The following TCF12 variants were observed in gnomAD, a reference collection of about 807,000 sequenced individuals.
The protein encoded by TCF12 is DNA-binding protein HTF4.
A neutral mutation model predicts 86.0 loss-of-function variants in TCF12; 45 were observed. The observed-to-expected ratio is 0.52, with a 90% CI of 0.41 to 0.67. TCF12 has a LOEUF of 0.67. TCF12 is among the 30% of genes least tolerant of loss of function. TCF12 has a pLI of 0.00. For missense variants in TCF12, 881 were observed against 859.9 expected (o/e 1.02, Z -0.31); for synonymous variants, 330 against 299.6 (o/e 1.10, Z -1.05).
In TCF12 at chr15:57,286,384, A is replaced by C. The variant is rs2061934444; in HGVS notation, c.*239A>C. On this transcript the variant is annotated 3_prime_UTR_variant, in exon 21 of 21. Transcript: ENST00000333725. ...GAACATCAGCCCATGAGATGTTTGCAACAAATCTTTTGTTGCAAGCAGTGT... is the reference window on the plus strand; with the variant it reads ...GAACATCAGCCCATGAGATGTTTGCCACAAATCTTTTGTTGCAAGCAGTGT... 7.6e-6 allele frequency: 2 copies of C among 262,430 alleles called. No individual in the cohort carries two copies. Among genetic ancestry groups the C allele is most frequent in the South Asian group, 7.8e-5 (2 of 25,514 alleles). The allele number at this position is 262,430 out of a possible 1,614,324, so 16.3% of individuals were successfully genotyped here. A position where few individuals can be genotyped will look rare whatever the true frequency, so the allele number is the denominator to read the frequency against.
intron 3 of TCF12, among the ~76,000 whole-genome samples, chr15:57,055,560 T>A (rs1205495843): frequency 6.6e-6 from 1 of 152,222 alleles, no homozygotes; most frequent in East Asian, 1.9e-4. Flanking sequence ...GAGTATAGAA[T>A]TGGTTGATAA....
intron 18 of TCF12, 126 bp from the exon 19 acceptor site, chr15:57,272,904 A>T (rs759036627): frequency 1.1e-6 from 1 of 879,342 alleles, no homozygotes; most frequent in Non-Finnish European, 1.7e-6. Flanking sequence ...AACTGCACCT[A>T]TTACAACTGT....
intron 5 of TCF12, among the ~76,000 whole-genome samples, chr15:57,104,743 T>C (rs1195973698): frequency 6.6e-6 from 1 of 150,832 alleles, no homozygotes; most frequent in Non-Finnish European, 1.5e-5. Context: ...GCCATAAATC[T>C]TTATTTTGTT....
intron 5 of TCF12, among the ~76,000 whole-genome samples, chr15:57,097,525 T>TA (rs1473834498): frequency 1.5e-4 from 23 of 151,666 alleles, no homozygotes; most frequent in Admixed American, 1.1e-3. Context: ...AACCCTGTCT[T>TA]AAAAAAAATA....
At chr15:57,119,773 A>G (rs1325653365) in intron 5 of TCF12, among the ~76,000 whole-genome samples, 3 of 152,120 alleles carry the variant, frequency 2.0e-5, no homozygotes, top group African/African-American at 7.2e-5. Flanking sequence ...TCCTGTGGCA[A>G]TCCTAAATAG....
chr15:57,078,562 A>C (rs2070342978), intron 4 of TCF12, among the ~76,000 whole-genome samples: 1 of 152,206 alleles, frequency 6.6e-6, no homozygotes, highest in Non-Finnish European at 1.5e-5. Flanking sequence ...ACAATGCCTA[A>C]TGTATTATAG....
intron 7 of TCF12, 149 bp downstream of exon 7, chr15:57,192,442 G>C: frequency 8.7e-7 from 1 of 1,155,562 alleles, no homozygotes; most frequent in South Asian, 1.7e-5. Context: ...ATGCAGGAAT[G>C]CAACAGCACA....
rs759091897 is a variant in TCF12, at chr15:57,253,226, G to A, written c.1261-36G>A. On this transcript the variant is annotated intron_variant, in intron 15 of 20. Coordinates refer to ENST00000333725, the MANE Select transcript of TCF12 (RefSeq NM_207037.2). Reference sequence around the variant, plus strand: ...CAGTTAATGAATCTAACAGATGCCAGCAATAACCACCATGTTTTTTTTTTA... The same window carrying A: ...CAGTTAATGAATCTAACAGATGCCAACAATAACCACCATGTTTTTTTTTTA... 3 of 1,607,396 alleles carry A rather than the reference G, an allele frequency of 1.9e-6. No individual in the cohort carries two copies. The African/African-American group carries it at 4.0e-5, about 21-fold the overall frequency.
intron 8 of TCF12, among the ~76,000 whole-genome samples, chr15:57,227,188 TA>T (rs1177856433): frequency 1.3e-5 from 2 of 152,144 alleles, no homozygotes; most frequent in African/African-American, 4.8e-5. Flanking sequence ...TGTGACTAGA[TA>T]AAAAGAAAAA....
intron 5 of TCF12, among the ~76,000 whole-genome samples, chr15:57,103,460 T>A (rs1384194893): frequency 1.3e-5 from 2 of 152,208 alleles, no homozygotes; most frequent in Non-Finnish European, 2.9e-5. Context: ...CCTGCTGTAG[T>A]CCCAGCTACT....
At chr15:57,248,296 T>A (rs2059952863) in intron 13 of TCF12, among the ~76,000 whole-genome samples, 1 of 152,100 alleles carries the variant, frequency 6.6e-6, no homozygotes, top group African/African-American at 2.4e-5. Flanking sequence ...CTGGTTCCTA[T>A]TAGGAAAGGA....
At chr15:57,029,508 C>T (rs1451217516) in intron 3 of TCF12, among the ~76,000 whole-genome samples, 2 of 152,170 alleles carry the variant, frequency 1.3e-5, no homozygotes, top group African/African-American at 2.4e-5. Context: ...TACTATTCCT[C>T]CACCTTATTA....
At chr15:57,011,331 T>C (rs2064816137) in intron 3 of TCF12, among the ~76,000 whole-genome samples, 1 of 152,010 alleles carries the variant, frequency 6.6e-6, no homozygotes, top group African/African-American at 2.4e-5. Flanking sequence ...TGTTTATAAG[T>C]CAGGGATCCA....
chr15:57,125,705 A>G (rs1176744665), intron 5 of TCF12, among the ~76,000 whole-genome samples: 3 of 152,212 alleles, frequency 2.0e-5, no homozygotes, highest in Admixed American at 2.0e-4. Context: ...GTAAATACAG[A>G]ATGTGCTGTA....
At chr15:57,219,353 C>G in intron 8 of TCF12, 4 of 1,267,676 alleles carry the variant, frequency 3.2e-6, no homozygotes, top group Non-Finnish European at 4.0e-6. Context: ...ATAAACCCTC[C>G]CTCTGTGCTC....
At chr15:57,262,622 A>C (rs1406711418) in intron 17 of TCF12, among the ~76,000 whole-genome samples, 1 of 152,174 alleles carries the variant, frequency 6.6e-6, no homozygotes, top group African/African-American at 2.4e-5. Context: ...TGCAATTTTG[A>C]TAAAAAGCAA....
chr15:57,089,938 G>A (rs1228548798), intron 4 of TCF12, among the ~76,000 whole-genome samples: 2 of 152,186 alleles, frequency 1.3e-5, no homozygotes, highest in Non-Finnish European at 2.9e-5. Flanking sequence ...CTATGGGCCA[G>A]GCATGGTGGC....
At chr15:57,146,792 T>C (rs1445823892) in intron 5 of TCF12, among the ~76,000 whole-genome samples, 1 of 152,198 alleles carries the variant, frequency 6.6e-6, no homozygotes, top group Non-Finnish European at 1.5e-5. Context: ...TTTGGGAACC[T>C]TTCATTGTAT....
At chr15:57,246,129 A>G (rs1369820000) in intron 13 of TCF12, among the ~76,000 whole-genome samples, 3 of 152,054 alleles carry the variant, frequency 2.0e-5, no homozygotes. Flanking sequence ...AAAAAATTCT[A>G]CCCACTCTGT....
Sources: gnomAD v4.1 joint callset for allele counts (sites outside exome capture counted in the v4.1 genomes callset) on GRCh38, gnomAD v4.1.1 for gene constraint, MANE v1.5 for transcripts, NCBI Gene and HGNC (gene_info 2026-07-23, HGNC 2026-07-21) for gene names.